NRG1: variants seen among roughly 807,000 people sequenced by gnomAD.
The protein encoded by NRG1 is pro-neuregulin-1, membrane-bound isoform.
Under a neutral mutation model 63.8 loss-of-function variants are expected in NRG1, and 18 were observed. That is an observed-to-expected ratio of 0.28 (90% confidence interval 0.19 to 0.42). NRG1 has a LOEUF of 0.42. NRG1 is among the 10% of genes least tolerant of loss of function. The probability of loss-of-function intolerance (pLI) is 1.00; values close to 1 mark genes in which losing one functional copy is unlikely to be tolerated. For synonymous variants in NRG1, 302 were observed against 301.3 expected, an observed-to-expected ratio of 1.00 and a Z score of -0.02; for missense variants, 762 against 814.7, an observed-to-expected ratio of 0.94 and a Z score of 0.79.
At chr8:32,479,851 G>C (rs559774006) in intron 1 of NRG1, among the ~76,000 whole-genome samples, 38 of 152,144 alleles carry the variant, frequency 2.5e-4, no homozygotes, top group South Asian at 2.1e-4. Context: ...GGTTTCACCA[G>C]GTTGGCCAGG....
chr8:32,150,446 T>G (rs1438468746), intron 1 of NRG1, among the ~76,000 whole-genome samples: 1 of 152,176 alleles, frequency 6.6e-6, no homozygotes, highest in African/African-American at 2.4e-5. Flanking sequence ...TCCATATGCA[T>G]GAATGGGTTC....
chr8:32,743,515 TTGTA>T (rs1233551818), intron 7 of NRG1, among the ~76,000 whole-genome samples: 1 of 146,046 alleles, frequency 6.8e-6, no homozygotes, highest in Non-Finnish European at 1.5e-5. Context: ...AAATATGTGT[TTGTA>T]TATATATATG....
chr8:32,170,054 A>C (rs1839861145), intron 1 of NRG1, among the ~76,000 whole-genome samples: 7 of 152,178 alleles, frequency 4.6e-5, no homozygotes, highest in Admixed American at 4.6e-4. Context: ...CAAGCCAAGG[A>C]ATGCCTGAGG....
chr8:32,629,384 G>T (rs189571334), intron 5 of NRG1, among the ~76,000 whole-genome samples: 1 of 152,158 alleles, frequency 6.6e-6, no homozygotes, highest in Admixed American at 6.5e-5. Context: ...AATTTTGGTT[G>T]ATTTGTGTTT....
chr8:32,039,198 T>C (rs1003735233), intron 1 of NRG1, among the ~76,000 whole-genome samples: 1 of 152,236 alleles, frequency 6.6e-6, no homozygotes, highest in Non-Finnish European at 1.5e-5. Context: ...AGGCTTACTA[T>C]GAGGAATAAA....
chr8:32,683,333 GA>G (rs1259113419), intron 5 of NRG1, among the ~76,000 whole-genome samples: 1 of 152,168 alleles, frequency 6.6e-6, no homozygotes, highest in Non-Finnish European at 1.5e-5. Flanking sequence ...CAGCACTGCA[GA>G]ACAACACAAT....
intron 1 of NRG1, among the ~76,000 whole-genome samples, chr8:31,702,689 CTCAGTAT>C (rs778025883): frequency 3.3e-5 from 5 of 152,084 alleles, no homozygotes; most frequent in Non-Finnish European, 5.9e-5. Flanking sequence ...ATTGGATTTT[CTCAGTAT>C]TCAGTATTGC....
Position 31,778,288 on chromosome 8 carries a change from T to A in NRG1, c.37+138857T>A, listed in dbSNP as rs191679738. 7.9e-5 allele frequency among the ~76,000 whole-genome samples: 12 copies of A among 152,312 alleles called. No homozygotes were observed. In the East Asian group the frequency reaches 2.3e-3, roughly 29 times the overall value. On this transcript the variant is annotated intron_variant, in intron 1 of 10. Coordinates refer to the NRG1 transcript ENST00000519301. ...CTGTCGTACTCTCTGCAATGCTACA[T>A]GTCCCTTCTAGTCTAGGGCGATCCT...
chr8:32,609,340 G>A (rs921821071), intron 3 of NRG1, among the ~76,000 whole-genome samples: 1 of 152,018 alleles, frequency 6.6e-6, no homozygotes. Context: ...TGAGCTCTCC[G>A]GGGCTTAGAT....
At chr8:32,119,710 C>A (rs1458460633) in intron 1 of NRG1, among the ~76,000 whole-genome samples, 1 of 151,958 alleles carries the variant, frequency 6.6e-6, no homozygotes, top group African/African-American at 2.4e-5. Context: ...GGAAATGACA[C>A]CCAGGACAAC....
intron 1 of NRG1, among the ~76,000 whole-genome samples, chr8:32,007,561 G>T (rs1813975463): frequency 6.6e-6 from 1 of 151,994 alleles, no homozygotes; most frequent in East Asian, 1.9e-4. Context: ...CTTTGCAATT[G>T]AGAAAACTGA....
rs188041051 is a variant in NRG1 at position 31,691,716 on chromosome 8, T to C, written c.37+52285T>C. Reference sequence around the variant, plus strand: ...TGTTTTTTTCTTATGCAATTACTTCTTTTTAATCTTCATGATGCTTAATGT... The same window carrying C: ...TGTTTTTTTCTTATGCAATTACTTCCTTTTAATCTTCATGATGCTTAATGT... On this transcript the variant is annotated intron_variant, in intron 1 of 10. Coordinates refer to the NRG1 transcript ENST00000519301. Among the ~76,000 whole-genome samples the C allele has an allele frequency of 2.6e-5, 4 of 152,290 alleles. No individual in the cohort carries two copies. In the East Asian group the frequency reaches 7.7e-4, roughly 29 times the overall value.
At chr8:31,737,003 G>C (rs1316012779) in intron 1 of NRG1, among the ~76,000 whole-genome samples, 1 of 152,120 alleles carries the variant, frequency 6.6e-6, no homozygotes, top group African/African-American at 2.4e-5. Context: ...CCTCTTTCCA[G>C]TCGCAGACAT....
chr8:31,813,057 C>A (rs546010872), intron 1 of NRG1, among the ~76,000 whole-genome samples: 1 of 152,256 alleles, frequency 6.6e-6, no homozygotes, highest in East Asian at 1.9e-4. Context: ...TCTCTGCTAC[C>A]CACAGCTGCC....
intron 1 of NRG1, among the ~76,000 whole-genome samples, chr8:32,493,662 A>C (rs1380007037): frequency 1.3e-5 from 2 of 152,228 alleles, no homozygotes; most frequent in Non-Finnish European, 2.9e-5. Flanking sequence ...GATTGTTATT[A>C]AAAACAAAAT....
chr8:32,772,616 T>C (rs970146558), downstream of NRG1, among the ~76,000 whole-genome samples: 11 of 152,214 alleles, frequency 7.2e-5, no homozygotes, highest in Non-Finnish European at 4.4e-5. Flanking sequence ...TGATTCTTTT[T>C]TGCCTTACTG....
chr8:32,090,677 GA>G (rs1271779219), intron 1 of NRG1, among the ~76,000 whole-genome samples: 2 of 152,186 alleles, frequency 1.3e-5, no homozygotes, highest in African/African-American at 4.8e-5. Flanking sequence ...TAAAACTTCA[GA>G]AGGAAAGAGA....
At chr8:32,618,868 T>A (rs1847836144) in intron 5 of NRG1, among the ~76,000 whole-genome samples, 1 of 152,170 alleles carries the variant, frequency 6.6e-6, no homozygotes, top group Non-Finnish European at 1.5e-5. Context: ...CATTAAATTG[T>A]TGATATTTGG....
intron 1 of NRG1, among the ~76,000 whole-genome samples, chr8:32,592,830 C>T (rs1842749895): frequency 6.6e-6 from 1 of 151,982 alleles, no homozygotes; most frequent in African/African-American, 2.4e-5. Flanking sequence ...GGTGCCAATC[C>T]CCTGTGTGGC....
Sources: allele counts gnomAD v4.1 joint callset (sites outside exome capture counted in the v4.1 genomes callset), GRCh38; gene constraint gnomAD v4.1.1; transcripts MANE v1.5; gene names NCBI Gene and HGNC (gene_info 2026-07-23, HGNC 2026-07-21).